ZNF541: variants seen among roughly 807,000 people sequenced by gnomAD.
ZNF541 encodes zinc finger protein 541.
ZNF541 carries 23 observed loss-of-function variants against 123.5 expected under a neutral mutation model. That is an observed-to-expected ratio of 0.19 (90% CI 0.13 to 0.26). ZNF541 has a LOEUF of 0.26. Among genes scored for constraint, ZNF541 ranks in the 10% least tolerant of loss-of-function variants. ZNF541 has a pLI of 1.00. For missense variants in ZNF541, 1,612 were observed against 1,789.9 expected, an observed-to-expected ratio of 0.90 and a Z score of 1.79; for synonymous variants, 751 against 754.5, an observed-to-expected ratio of 1.00 and a Z score of 0.08.
rs1969006313 is a variant in ZNF541 at position 47,521,165 on chromosome 19, G to A, written c.*59C>T. On this transcript the variant is annotated 3_prime_UTR_variant, in exon 17 of 17. Transcript: ENST00000391901. The surrounding 1 kb of genome is among the most constrained non-coding windows in gnomAD (Gnocchi z 4.2). The stretch of plus-strand genomic sequence containing the variant: ...AGAGGGGTGCCCCAAACGCCCTGGA[G>A]AGGCCGAAGGGAGGAGGGGCAGCAC... 4 of 1,523,228 alleles carry A rather than the reference G, an allele frequency of 2.6e-6. No homozygotes were observed. Among genetic ancestry groups the A allele is most frequent in the Non-Finnish European group, 3.5e-6 (4 of 1,129,826 alleles). The allele number at this position is 1,523,228 out of a possible 1,614,324, so 94.4% of individuals were successfully genotyped here.
At chr19:47,568,014 T>G (rs1394355256) in intron 2 of ZNF541, among the ~76,000 whole-genome samples, 1 of 152,192 alleles carries the variant, frequency 6.6e-6, no homozygotes, top group East Asian at 1.9e-4. Context: ...TTCTCCAGAC[T>G]CTCAGCTCTA....
chr19:47,540,017 C>A, intron 7 of ZNF541, 139 bp from the exon 8 acceptor site: 1 of 1,424,918 alleles, frequency 7.0e-7, no homozygotes, highest in Non-Finnish European at 9.3e-7. Context: ...TGCTGCAGCC[C>A]ATGGCAATGG....
rs188861888 is a variant in ZNF541 at position 47,528,010 on chromosome 19, T to C, written c.3570+940A>G. Among the ~76,000 whole-genome samples the C allele has an allele frequency of 1.5e-4, 22 of 146,008 alleles. No homozygotes were observed. The East Asian group carries it at 4.6e-3, about 31-fold the overall frequency. On this transcript the variant is annotated intron_variant, in intron 14 of 16. Coordinates refer to ENST00000391901, the MANE Select transcript of ZNF541 (RefSeq NM_001277075.3). ...CACCACGCCAGGCCCTTTTTTTTTT[T>C]TTTTTTTTGAGACAGAGTCCTGGGC...
chr19:47,558,871 A>G (rs1405861938), intron 2 of ZNF541, among the ~76,000 whole-genome samples: 1 of 151,410 alleles, frequency 6.6e-6, no homozygotes, highest in East Asian at 2.0e-4. Context: ...CAGCCTCCCG[A>G]GTAGCTGGGA....
chr19:47,558,891 C>T (rs1027999159), intron 2 of ZNF541, among the ~76,000 whole-genome samples: 2 of 151,830 alleles, frequency 1.3e-5, no homozygotes, highest in African/African-American at 4.8e-5. Context: ...ACTACAGGTG[C>T]CCGCCCCCGC....
chr19:47,568,078 G>C (rs1377998173), intron 2 of ZNF541, among the ~76,000 whole-genome samples: 1 of 152,094 alleles, frequency 6.6e-6, no homozygotes, highest in African/African-American at 2.4e-5. Flanking sequence ...ATCTTGCCTA[G>C]CACAGAACTT....
chr19:47,547,612 T>C (rs1297777663), intron 4 of ZNF541, among the ~76,000 whole-genome samples: 3 of 152,086 alleles, frequency 2.0e-5, no homozygotes, highest in African/African-American at 4.8e-5. Context: ...ATTGGCTCCT[T>C]TTCCTGGGGT....
intron 5 of ZNF541, among the ~76,000 whole-genome samples, chr19:47,543,494 A>C (rs1187569988): frequency 2.0e-5 from 3 of 152,134 alleles, no homozygotes; most frequent in Non-Finnish European, 4.4e-5. Context: ...TTCAAGCAGG[A>C]ATCTTTAAAG....
rs773478650 is a variant in ZNF541, at chr19:47,529,030, C to T, written c.3490G>A (p.Val1164Ile). 14 of 1,551,264 alleles carry T rather than the reference C, an allele frequency of 9.0e-6. No individual in the cohort carries two copies. Among genetic ancestry groups the T allele is most frequent in the African/African-American group, 8.2e-5 (6 of 73,032 alleles). ...LADYRYTGSD[V>I]WTPIEKRLFK... is the part of the protein sequence containing the mutation. ...AGCCTCTTCTCTATAGGGGTCCAGA[C>T]GTCTGAACCTATCAAAGAACACAGC... The change falls in exon 14 of 17, where the codon GTC becomes ATC. Residue 1164 changes from valine to isoleucine, a missense_variant. Val to Ile is a conservative substitution (Grantham distance 29). Around this residue, in one of 5 missense-constraint regions of ZNF541, gnomAD observed 285 missense variants for 407.3 expected, o/e 0.70. Coordinates refer to ENST00000391901, the MANE Select transcript of ZNF541 (RefSeq NM_001277075.3).
Position 47,545,826 on chromosome 19 carries a change from C to T in ZNF541, c.703G>A (p.Ala235Thr), listed in dbSNP as rs1389867729. 7.1e-6 allele frequency: 11 copies of T among 1,548,066 alleles called. No individual in the cohort carries two copies. The highest frequency in any genetic ancestry group is 2.4e-5 in the East Asian group (1 of 40,870). Residue 235 changes from alanine to threonine, a missense_variant, in exon 5 of 17, where the codon GCC (alanine) becomes ACC (threonine). Ala to Thr is a moderately conservative substitution (Grantham distance 58). Transcript: ENST00000391901. The surrounding 1 kb of genome is among the most constrained non-coding windows in gnomAD (Gnocchi z 7.5). The stretch of plus-strand genomic sequence containing the variant: ...TGGGCGTGGGGGGAGTCCCCGCAGG[C>T]CTCTTCCTCCGGGGGGGCTTCCTTC... Reference protein sequence around the residue: ...ILKEAPPEEEACGDSPHAHES... With the variant: ...ILKEAPPEEETCGDSPHAHES...
At chr19:47,523,087 A>AC (rs1461221220) in intron 14 of ZNF541, among the ~76,000 whole-genome samples, 4 of 147,638 alleles carry the variant, frequency 2.7e-5, no homozygotes, top group African/African-American at 1.0e-4. Context: ...CAGAGCGAGT[A>AC]TCTTTTTTTT....
At chr19:47,523,256 C>A (rs1225921762) in intron 14 of ZNF541, among the ~76,000 whole-genome samples, 2 of 149,748 alleles carry the variant, frequency 1.3e-5, no homozygotes, top group Non-Finnish European at 3.0e-5. Flanking sequence ...TCTCGAACTC[C>A]TGACCTTGTG....
chr19:47,570,082 G>A (rs1276356843), intron 2 of ZNF541, among the ~76,000 whole-genome samples: 1 of 150,610 alleles, frequency 6.6e-6, no homozygotes, highest in African/African-American at 2.4e-5. Flanking sequence ...AGACCATCCT[G>A]GCTAACACGG....
intron 8 of ZNF541, among the ~76,000 whole-genome samples, chr19:47,539,439 A>T (rs577466584): frequency 6.6e-6 from 1 of 150,938 alleles, no homozygotes; most frequent in African/African-American, 2.4e-5. Context: ...AGCTGGGTTT[A>T]CAGGTGCCTG....
intron 7 of ZNF541, 49 bp from the exon 8 acceptor site, chr19:47,539,927 G>A (rs1338695377): frequency 1.3e-6 from 2 of 1,508,574 alleles, no homozygotes; most frequent in Non-Finnish European, 1.8e-6. Flanking sequence ...AGGTAGGTGG[G>A]GAAAGGAAGA....
chr19:47,551,005 A>C (rs1970575011), intron 3 of ZNF541, among the ~76,000 whole-genome samples: 1 of 151,570 alleles, frequency 6.6e-6, no homozygotes, highest in Non-Finnish European at 1.5e-5. Context: ...AGATTTTTCT[A>C]CTTTTTAGAT....
intron 2 of ZNF541, among the ~76,000 whole-genome samples, chr19:47,559,848 TCAA>T (rs1970989491): frequency 1.0e-5 from 1 of 99,754 alleles, no homozygotes; most frequent in African/African-American, 4.5e-5. Context: ...AGACTCTGTC[TCAA>T]AAAAAAAAAA....
At chr19:47,558,338 C>T (rs1208751717) in intron 2 of ZNF541, among the ~76,000 whole-genome samples, 1 of 151,856 alleles carries the variant, frequency 6.6e-6, no homozygotes, top group African/African-American at 2.4e-5. Flanking sequence ...ATGGTATGAA[C>T]CCAGGAGGCG....
rs1413135648 is a variant in ZNF541 at position 47,545,336 on chromosome 19, C to T, written c.1193G>A (p.Arg398Gln). Reference protein sequence around the residue: ...GSVPACLPLFRGQTVPASSQP... With the variant: ...GSVPACLPLFQGQTVPASSQP... ...GGAACTGGCAGGGACCGTCTGGCCT[C>T]GGAAGAGAGGCAGGCAGGCAGGCAC... The change falls in exon 5 of 17, where the codon CGA becomes CAA. Residue 398 changes from arginine (R) to glutamine (Q), a missense_variant. Transcript: ENST00000391901. This position sits in a 1 kb window ranked among gnomAD's most constrained non-coding sequence, Gnocchi z 7.5. 1.9e-6 allele frequency: 3 copies of T among 1,547,374 alleles called. No homozygotes were observed. The East Asian group carries it at 7.3e-5, about 38-fold the overall frequency.
Sources: allele counts gnomAD v4.1 joint callset (sites outside exome capture counted in the v4.1 genomes callset), GRCh38; gene constraint gnomAD v4.1.1; regional missense constraint gnomAD v4.1.1; non-coding constraint Gnocchi (gnomAD v3.1); transcripts MANE v1.5; gene names NCBI Gene and HGNC (gene_info 2026-07-23, HGNC 2026-07-21).